The following OGDH variants were observed in gnomAD, a reference collection of about 807,000 sequenced individuals.
OGDH encodes the protein 2-oxoglutarate dehydrogenase complex component E1.
Under a neutral mutation model 116.6 loss-of-function variants are expected in OGDH, and 38 were observed. The observed-to-expected ratio is 0.33, with a 90% CI of 0.25 to 0.43. The LOEUF is 0.43. OGDH is among the 20% of genes least tolerant of loss of function. The pLI, the probability that OGDH is intolerant of heterozygous loss-of-function variation, is 1.00. For missense variants in OGDH, 825 were observed against 1,357.2 expected (o/e 0.61, Z 6.16); for synonymous variants, 488 against 533.3 (o/e 0.92, Z 1.17).
intron 4 of OGDH, among the ~76,000 whole-genome samples, chr7:44,664,875 G>A (rs1787112003): frequency 6.6e-6 from 1 of 152,176 alleles, no homozygotes. Flanking sequence ...GATGATAGAA[G>A]TGAAAGACCA....
rs113338839 is a variant in OGDH, at chr7:44,640,813, C to T, written c.223-4514C>T. Reference sequence around the variant, plus strand: ...AGTGTCTACAGCTAGACTTGGGGTGCGGGTCACATGGTGTGAGGGTAGACA... The same window carrying T: ...AGTGTCTACAGCTAGACTTGGGGTGTGGGTCACATGGTGTGAGGGTAGACA... On this transcript the variant is annotated intron_variant, in intron 2 of 22. Transcript: ENST00000222673. Among the ~76,000 whole-genome samples, 333 of 151,816 alleles carry T rather than the reference C, an allele frequency of 2.2e-3. 3 individuals are homozygous for T. The highest frequency in any genetic ancestry group is 7.6e-3 in the African/African-American group (316 of 41,374).
chr7:44,671,010 C>CAAAAAA (rs111818473), intron 5 of OGDH, among the ~76,000 whole-genome samples: 8 of 68,456 alleles, frequency 1.2e-4, no homozygotes, highest in South Asian at 8.4e-4. Flanking sequence ...GACTCCATCT[C>CAAAAAA]AAAAAAAAAA....
At chr7:44,657,133 C>T (rs947637227) in intron 4 of OGDH, among the ~76,000 whole-genome samples, 1 of 152,182 alleles carries the variant, frequency 6.6e-6, no homozygotes, top group Non-Finnish European at 1.5e-5. Flanking sequence ...GTGGTAACAT[C>T]TTGAAAAGCT....
At chr7:44,643,710 C>T (rs1786049766) in intron 2 of OGDH, among the ~76,000 whole-genome samples, 1 of 152,212 alleles carries the variant, frequency 6.6e-6, no homozygotes, top group African/African-American at 2.4e-5. Flanking sequence ...CTCAGACAGA[C>T]CCATTTGATA....
At position 44,694,867 on chromosome 7, in the gene OGDH, A is replaced by G. The variant is rs923080933; in HGVS notation, c.1668+291A>G. Among the ~76,000 whole-genome samples the G allele has an allele frequency of 9.9e-5, 15 of 152,142 alleles. No homozygotes were observed. The highest frequency in any genetic ancestry group is 3.9e-4 in the Admixed American group (6 of 15,270). On this transcript the variant is annotated intron_variant, in intron 12 of 22. Transcript: ENST00000222673. The surrounding 1 kb of genome is among the most constrained non-coding windows in gnomAD (Gnocchi z 4.2). ...TTTTCTCAGATTTCACAAATTGTGC[A>G]TGGTTGAGAGGTGGGTGGTGGATCC...
At chr7:44,700,385 T>A in intron 19 of OGDH, 116 bp downstream of exon 19, 10 of 1,326,286 alleles carry the variant, frequency 7.5e-6, no homozygotes, top group Non-Finnish European at 9.3e-6. Context: ...CCTGCAGGGG[T>A]AGTGTGGACA....
At chr7:44,695,718 AG>A (rs1220465038) in intron 12 of OGDH, among the ~76,000 whole-genome samples, 1 of 150,730 alleles carries the variant, frequency 6.6e-6, no homozygotes, top group Non-Finnish European at 1.5e-5. Flanking sequence ...AAAAAAAAAA[AG>A]TGGTGAAGGG....
chr7:44,620,094 C>T (rs1784952481), intron 1 of OGDH, among the ~76,000 whole-genome samples: 1 of 152,148 alleles, frequency 6.6e-6, no homozygotes, highest in Non-Finnish European at 1.5e-5. Flanking sequence ...GATCTCAGCT[C>T]ACTGCAACCT....
chr7:44,681,878 C>T lies in OGDH; in HGVS notation c.1335+30C>T, dbSNP rs367578966. 6.3e-4 allele frequency: 1,009 copies of T among 1,613,034 alleles called. 9 individuals are homozygous for T. In the South Asian group the frequency reaches 8.1e-3, roughly 13 times the overall value. Reference sequence around the variant, plus strand: ...CTCACACCAGCCTGCGGCTTTGCTGCTCACATCAGTCTTACTTAGAATGAC... The same window carrying T: ...CTCACACCAGCCTGCGGCTTTGCTGTTCACATCAGTCTTACTTAGAATGAC... On this transcript the variant is annotated intron_variant, in intron 10 of 22. Transcript: ENST00000222673.
chr7:44,621,218 CAT>C (rs1784996056), intron 1 of OGDH, among the ~76,000 whole-genome samples: 2 of 152,138 alleles, frequency 1.3e-5, no homozygotes, highest in Admixed American at 1.3e-4. Flanking sequence ...GTACTACAGA[CAT>C]GTGCCACCAC....
Position 44,707,735 on chromosome 7 carries a change from T to A in OGDH, c.2950T>A (p.Trp984Arg), listed in dbSNP as rs749427364. ...CACCATCAGCCGCGCCAAGCCCGTC[T>A]GGTAAGGCTTCAGTCCCTGCCAGGA... ...RTTISRAKPV[W>R]YAGRDPAAAP... The change falls in exon 22 of 23, where the codon TGG becomes AGG. Residue 984 changes from tryptophan (W) to arginine (R), a missense_variant and splice_region_variant. By Grantham distance (101) the Trp-to-Arg change is moderately radical. This residue lies in a region of OGDH where 212 missense variants were observed against 284.3 expected (regional missense o/e 0.75). Coordinates refer to ENST00000222673, the MANE Select transcript of OGDH (RefSeq NM_002541.4). This position sits in a 1 kb window ranked among gnomAD's most constrained non-coding sequence, Gnocchi z 5.2. The A allele has an allele frequency of 6.2e-6, 10 of 1,614,152 alleles. No individual in the cohort carries two copies. Among genetic ancestry groups the A allele is most frequent in the Non-Finnish European group, 8.5e-6 (10 of 1,180,034 alleles).
chr7:44,703,040 CTTGCG>C (rs1788908068), intron 20 of OGDH, among the ~76,000 whole-genome samples: 1 of 152,144 alleles, frequency 6.6e-6, no homozygotes, highest in African/African-American at 2.4e-5. Flanking sequence ...GTCTTTGTCC[CTTGCG>C]ACTGGCTTGT....
intron 1 of OGDH, among the ~76,000 whole-genome samples, chr7:44,608,111 G>A (rs1050644303): frequency 6.6e-6 from 1 of 152,076 alleles, no homozygotes; most frequent in East Asian, 1.9e-4. Flanking sequence ...CATTTGACGT[G>A]CACAATTTCG....
At chr7:44,642,092 T>G (rs1318377948) in intron 2 of OGDH, among the ~76,000 whole-genome samples, 1 of 152,132 alleles carries the variant, frequency 6.6e-6, no homozygotes, top group Non-Finnish European at 1.5e-5. Flanking sequence ...CCTGGGTTTC[T>G]TTAGCAAACA....
At chr7:44,625,377 G>C (rs1050611963) in intron 2 of OGDH, among the ~76,000 whole-genome samples, 2 of 152,144 alleles carry the variant, frequency 1.3e-5, no homozygotes, top group African/African-American at 4.8e-5. Flanking sequence ...CACCCACCTT[G>C]GCCTCCCAAA....
chr7:44,702,877 T>C (rs1247427093), intron 20 of OGDH, among the ~76,000 whole-genome samples: 1 of 152,182 alleles, frequency 6.6e-6, no homozygotes, highest in African/African-American at 2.4e-5. Flanking sequence ...ATTACAGGCA[T>C]GAGCCACCAT....
At chr7:44,654,848 C>T (rs1393934426) in intron 4 of OGDH, among the ~76,000 whole-genome samples, 1 of 152,184 alleles carries the variant, frequency 6.6e-6, no homozygotes, top group Non-Finnish European at 1.5e-5. Flanking sequence ...GCCAAATCTC[C>T]ATCCGCTCCC....
intron 20 of OGDH, among the ~76,000 whole-genome samples, chr7:44,703,957 G>C (rs901288975): frequency 2.0e-5 from 3 of 151,914 alleles, no homozygotes; most frequent in Non-Finnish European, 4.4e-5. Context: ...TTCATCTGTC[G>C]ATGGACACTT....
At chr7:44,661,692 T>C (rs1786952905) in intron 4 of OGDH, among the ~76,000 whole-genome samples, 1 of 152,050 alleles carries the variant, frequency 6.6e-6, no homozygotes, top group Non-Finnish European at 1.5e-5. Context: ...AACCTCTGCC[T>C]TCCGGTTCAA....
Sources: gnomAD v4.1 joint callset for allele counts (sites outside exome capture counted in the v4.1 genomes callset) on GRCh38, gnomAD v4.1.1 for gene constraint, gnomAD v4.1.1 regional missense constraint, Gnocchi (gnomAD v3.1) non-coding constraint, MANE v1.5 for transcripts, NCBI Gene and HGNC (gene_info 2026-07-23, HGNC 2026-07-21) for gene names.